CA10: variants seen among roughly 807,000 people sequenced by gnomAD.
CA10 encodes carbonic anhydrase-related protein 10.
A neutral mutation model predicts 44.2 loss-of-function variants in CA10; 14 were observed. The ratio of observed to expected loss-of-function variants is 0.32; its 90% CI spans 0.21 to 0.50. CA10 has a LOEUF of 0.50. Among genes scored for constraint, CA10 ranks in the 20% least tolerant of loss-of-function variants. The pLI is 0.99. For synonymous variants in CA10, 159 were observed against 141.6 expected (o/e 1.12, Z -0.87); for missense variants, 350 against 409.7 (o/e 0.85, Z 1.26).
At chr17:51,974,899 A>T (rs1214684511) in intron 2 of CA10, among the ~76,000 whole-genome samples, 1 of 152,202 alleles carries the variant, frequency 6.6e-6, no homozygotes, top group Non-Finnish European at 1.5e-5. Context: ...TCAGTAAAAA[A>T]CTAAAATGAG....
intron 3 of CA10, among the ~76,000 whole-genome samples, chr17:51,896,458 A>C (rs1981072617): frequency 6.6e-6 from 1 of 152,062 alleles, no homozygotes; most frequent in East Asian, 1.9e-4. Flanking sequence ...GTGTATAAGT[A>C]CCACATTTTC....
At chr17:51,654,558 ATTT>A (rs35152422) in intron 4 of CA10, among the ~76,000 whole-genome samples, 1 of 145,282 alleles carries the variant, frequency 6.9e-6, no homozygotes. Flanking sequence ...TGGAAGCCTA[ATTT>A]TTTTTTTTTT....
chr17:51,931,010 T>G lies in CA10; in HGVS notation c.259A>C (p.Ile87Leu). The G allele has an allele frequency of 6.2e-7, 1 of 1,613,350 alleles. No individual in the cohort carries two copies. The highest frequency in any genetic ancestry group is 2.2e-5 in the East Asian group (1 of 44,850). The change falls in exon 3 of 9, where the codon ATC becomes CTC. Residue 87 changes from isoleucine to leucine, a missense_variant. Transcript: ENST00000451037. ...CTTACCTTCCTGCCCCCCGTGTTGA[T>G]GCGAAGAGGTGTCAGAAAGGGGTCG... ...IFDPFLTPLR[I>L]NTGGRKVSGT...
chr17:52,079,691 C>G (rs1987914693), intron 1 of CA10, among the ~76,000 whole-genome samples: 1 of 152,120 alleles, frequency 6.6e-6, no homozygotes, highest in Non-Finnish European at 1.5e-5. Context: ...AGTTGGTTGA[C>G]AAGCCCACAC....
intron 3 of CA10, among the ~76,000 whole-genome samples, chr17:51,913,141 C>T (rs1201766162): frequency 1.3e-5 from 2 of 152,088 alleles, no homozygotes; most frequent in South Asian, 2.1e-4. Context: ...GGAGTTAAGT[C>T]GGAGCTGAAT....
chr17:51,756,942 G>C (rs1201820424), intron 3 of CA10, among the ~76,000 whole-genome samples: 1 of 152,172 alleles, frequency 6.6e-6, no homozygotes, highest in Non-Finnish European at 1.5e-5. Flanking sequence ...TTGAGAGATG[G>C]GTCATACCTG....
At chr17:51,812,267 G>A (rs1006266173) in intron 3 of CA10, among the ~76,000 whole-genome samples, 3 of 152,102 alleles carry the variant, frequency 2.0e-5, no homozygotes, top group Admixed American at 6.5e-5. Flanking sequence ...TAAAAACAAC[G>A]GTAATACGTT....
intron 5 of CA10, among the ~76,000 whole-genome samples, chr17:51,652,979 G>C (rs1211129615): frequency 6.8e-6 from 1 of 148,072 alleles, no homozygotes; most frequent in East Asian, 2.0e-4. Context: ...CTCTACATCT[G>C]CTAAAATGTT....
rs186743922 is a variant in CA10 at position 52,116,943 on chromosome 17, G to A, written c.61+40783C>T. Among the ~76,000 whole-genome samples, 76 of 152,238 alleles carry A rather than the reference G, an allele frequency of 5.0e-4. 1 individual carries two copies. Among genetic ancestry groups the A allele is most frequent in the Admixed American group, 3.0e-3 (46 of 15,298 alleles). On this transcript the variant is annotated intron_variant, in intron 1 of 8. Coordinates refer to ENST00000451037, the MANE Select transcript of CA10 (RefSeq NM_020178.5). Reference sequence around the variant, plus strand: ...TGCGTGTCTTAATTGAGGTTTGTTGGTCCCACTGGTGAGGTTACTTTTGAT... The same window carrying A: ...TGCGTGTCTTAATTGAGGTTTGTTGATCCCACTGGTGAGGTTACTTTTGAT...
intron 2 of CA10, among the ~76,000 whole-genome samples, chr17:52,005,748 C>A (rs1985575445): frequency 6.6e-6 from 1 of 151,880 alleles, no homozygotes; most frequent in Non-Finnish European, 1.5e-5. Context: ...TTTCAGAGAA[C>A]TTTCTCTAAA....
intron 3 of CA10, among the ~76,000 whole-genome samples, chr17:51,874,179 A>G (rs1979944822): frequency 6.6e-6 from 1 of 152,142 alleles, no homozygotes. Flanking sequence ...CCATTTTTGT[A>G]CATATAAATA....
At chr17:52,049,837 C>A (rs192144459) in intron 2 of CA10, among the ~76,000 whole-genome samples, 28 of 152,178 alleles carry the variant, frequency 1.8e-4, no homozygotes, top group Admixed American at 1.6e-3. Flanking sequence ...GTATATACAA[C>A]CATAATCCTA....
chr17:51,672,532 T>A (rs1914466475), intron 4 of CA10, among the ~76,000 whole-genome samples: 1 of 152,102 alleles, frequency 6.6e-6, no homozygotes, highest in East Asian at 1.9e-4. Context: ...TGCAGAGTGG[T>A]GGGGGGCCGG....
intron 2 of CA10, among the ~76,000 whole-genome samples, chr17:51,958,643 C>G (rs1454857550): frequency 1.3e-5 from 2 of 152,124 alleles, no homozygotes; most frequent in East Asian, 1.9e-4. Context: ...TATCTGGGCT[C>G]TTTTCTCTAG....
chr17:51,736,146 G>A (rs925284354), intron 4 of CA10, among the ~76,000 whole-genome samples: 9 of 152,170 alleles, frequency 5.9e-5, no homozygotes, highest in African/African-American at 2.2e-4. Flanking sequence ...CCATTAATGA[G>A]GAAATTGGGG....
chr17:52,077,008 A>G (rs1181085662), intron 1 of CA10, among the ~76,000 whole-genome samples: 1 of 152,242 alleles, frequency 6.6e-6, no homozygotes, highest in Non-Finnish European at 1.5e-5. Context: ...AAAAATTGTC[A>G]TCACTGCCAG....
intron 3 of CA10, among the ~76,000 whole-genome samples, chr17:51,905,229 G>A (rs1981493877): frequency 6.6e-6 from 1 of 152,150 alleles, no homozygotes; most frequent in Non-Finnish European, 1.5e-5. Flanking sequence ...AGCTGTCAAG[G>A]TGGAAAATGG....
intron 1 of CA10, among the ~76,000 whole-genome samples, chr17:52,150,795 T>A (rs996129297): frequency 6.6e-6 from 1 of 152,190 alleles, no homozygotes; most frequent in Admixed American, 6.5e-5. Context: ...TCATTTCTCT[T>A]AGCCTTCATC....
chr17:51,725,288 T>C (rs1916478788), intron 4 of CA10, among the ~76,000 whole-genome samples: 1 of 152,260 alleles, frequency 6.6e-6, no homozygotes, highest in Admixed American at 6.5e-5. Flanking sequence ...ATAACCCATA[T>C]GAGAAAGGAC....
Sources: allele counts gnomAD v4.1 joint callset (sites outside exome capture counted in the v4.1 genomes callset), GRCh38; gene constraint gnomAD v4.1.1; transcripts MANE v1.5; gene names NCBI Gene and HGNC (gene_info 2026-07-23, HGNC 2026-07-21).